Variants in SLCO1A2 observed in about 807,000 individuals in gnomAD.
The protein encoded by SLCO1A2 is solute carrier organic anion transporter family member 1A2.
In SLCO1A2, 67 loss-of-function variants were observed where a neutral mutation model predicts 69.0. The observed-to-expected ratio is 0.97, with a 90% CI of 0.80 to 1.19. SLCO1A2 has a LOEUF of 1.19. SLCO1A2 is among the 50% of genes most tolerant of loss of function. The probability of loss-of-function intolerance (pLI) is 0.00; values close to 1 mark genes in which losing one functional copy is unlikely to be tolerated. For missense variants in SLCO1A2, 787 were observed against 793.7 expected, an observed-to-expected ratio of 0.99 and a Z score of 0.10; for synonymous variants, 260 against 265.9, an observed-to-expected ratio of 0.98 and a Z score of 0.22.
Position 21,347,669 on chromosome 12 carries a change from AAAGGAAGG to A in SLCO1A2, c.-62-12968_-62-12961del, listed in dbSNP as rs147886864. Among the ~76,000 whole-genome samples the A allele has an allele frequency of 1.8e-3, 206 of 113,494 alleles. 1 individual carries two copies. Among genetic ancestry groups the A allele is most frequent in the African/African-American group, 7.8e-3 (197 of 25,134 alleles). 74.5% of individuals were successfully genotyped at this position (113,494 alleles called of 152,430 possible). The stretch of plus-strand genomic sequence containing the variant: ...GGAAAGAAGGAAAGAAGAAAGAAAG[AAAGGAAGG>A]AAGGAAGGAAGGAAGGAAGGAAGAA... On this transcript the variant is annotated intron_variant, in intron 2 of 15. Coordinates refer to the SLCO1A2 transcript ENST00000307378.
At chr12:21,389,423 G>T (rs572994265) in intron 1 of SLCO1A2, among the ~76,000 whole-genome samples, 65 of 151,934 alleles carry the variant, frequency 4.3e-4, no homozygotes, top group Non-Finnish European at 7.4e-4. Flanking sequence ...AACAAGCTAA[G>T]ATCCAGATGC....
intron 8 of SLCO1A2, among the ~76,000 whole-genome samples, chr12:21,299,980 GTA>G (rs1187061244): frequency 2.0e-5 from 3 of 146,618 alleles, no homozygotes; most frequent in African/African-American, 7.8e-5. Flanking sequence ...ATATATATGT[GTA>G]TATATGTGTG....
chr12:21,411,709 G>C (rs545769707), intron 1 of SLCO1A2, among the ~76,000 whole-genome samples: 19 of 151,304 alleles, frequency 1.3e-4, no homozygotes, highest in African/African-American at 4.4e-4. Flanking sequence ...TTGAGACAAG[G>C]TTTCACTCCA....
rs1474650392 is a variant in SLCO1A2 at position 21,266,885 on chromosome 12, ATATAT to A, written c.*2658_*2662del. The A allele has an allele frequency of 3.9e-5, 6 of 152,220 alleles. No homozygotes were observed. The South Asian group carries it at 1.0e-3, about 26-fold the overall frequency. 9.4% of individuals were successfully genotyped at this position (152,220 alleles called of 1,614,324 possible). On this transcript the variant is annotated 3_prime_UTR_variant, in exon 15 of 15. Coordinates refer to ENST00000683939, the MANE Select transcript of SLCO1A2 (RefSeq NM_001386879.1). The stretch of plus-strand genomic sequence containing the variant: ...TAGGTTAATTTTTGAATTATAAGTA[ATATAT>A]TAAACCACTATTTCTAGTTTCATTA...
intron 2 of SLCO1A2, among the ~76,000 whole-genome samples, chr12:21,364,922 T>G (rs1939246202): frequency 6.6e-6 from 1 of 152,094 alleles, no homozygotes; most frequent in African/African-American, 2.4e-5. Context: ...GAAGAACATT[T>G]CATGCTCGTG....
intron 2 of SLCO1A2, among the ~76,000 whole-genome samples, chr12:21,371,289 G>T (rs1212726590): frequency 2.0e-5 from 3 of 152,042 alleles, no homozygotes; most frequent in Non-Finnish European, 2.9e-5. Flanking sequence ...TTCTCAATTT[G>T]GTCTGGTGTT....
chr12:21,396,302 T>C (rs1465365372), upstream of SLCO1A2, among the ~76,000 whole-genome samples: 4 of 149,378 alleles, frequency 2.7e-5, no homozygotes, highest in East Asian at 2.0e-4. Context: ...TGAAATGAAG[T>C]GAGAAGGGAA....
chr12:21,294,875 T>C (rs1947466803), intron 10 of SLCO1A2: 2 of 152,194 alleles, frequency 1.3e-5, no homozygotes, highest in African/African-American at 4.8e-5. Flanking sequence ...AAATAGCATA[T>C]GTAAAATTAT....
At chr12:21,342,282 C>G (rs573344619) in intron 2 of SLCO1A2, among the ~76,000 whole-genome samples, 41 of 152,060 alleles carry the variant, frequency 2.7e-4, no homozygotes, top group Admixed American at 5.9e-4. Flanking sequence ...TCCACTGCTT[C>G]AAGACCTATT....
intron 4 of SLCO1A2, among the ~76,000 whole-genome samples, chr12:21,309,186 A>G (rs548319054): frequency 6.6e-6 from 1 of 152,310 alleles, no homozygotes; most frequent in East Asian, 1.9e-4. Flanking sequence ...AAAAGTAGGG[A>G]TAAAAGATGA....
intron 2 of SLCO1A2, among the ~76,000 whole-genome samples, chr12:21,340,285 TAC>T (rs1379255283): frequency 6.6e-6 from 1 of 151,994 alleles, no homozygotes; most frequent in East Asian, 1.9e-4. Flanking sequence ...GCAAAATATA[TAC>T]AGTTTGCTTA....
In SLCO1A2 at chr12:21,292,207, T is replaced by C; in HGVS notation, c.1567A>G (p.Ile523Val). 1.2e-6 allele frequency: 2 copies of C among 1,609,990 alleles called. No individual in the cohort carries two copies. The highest frequency in any genetic ancestry group is 1.7e-6 in the Non-Finnish European group (2 of 1,177,682). Residue 523 changes from isoleucine to valine, a missense_variant, in exon 12 of 15, where the codon ATT becomes GTT. Coordinates refer to ENST00000683939, the MANE Select transcript of SLCO1A2 (RefSeq NM_001386879.1). ...FLILSAMSSF[I>V]YSLAAIPGYM... ...CCAGGTATGGCAGCCAAAGAATAAATGAAACTGCTCATCGCTGACAAGATT... is the reference window on the plus strand; with the variant it reads ...CCAGGTATGGCAGCCAAAGAATAAACGAAACTGCTCATCGCTGACAAGATT...
intron 2 of SLCO1A2, among the ~76,000 whole-genome samples, chr12:21,371,453 G>C (rs915987094): frequency 2.0e-5 from 3 of 151,760 alleles, no homozygotes; most frequent in Non-Finnish European, 2.9e-5. Context: ...TAAAATTGTA[G>C]AATCATTGAA....
At chr12:21,359,440 A>G (rs1247362471) in intron 2 of SLCO1A2, among the ~76,000 whole-genome samples, 2 of 152,206 alleles carry the variant, frequency 1.3e-5, no homozygotes, top group African/African-American at 4.8e-5. Context: ...TGGCTAAAAG[A>G]ACCACAAATA....
upstream of SLCO1A2, among the ~76,000 whole-genome samples, chr12:21,396,313 G>C (rs1161703203): frequency 3.0e-4 from 45 of 150,838 alleles, no homozygotes; most frequent in African/African-American, 1.0e-3. Context: ...GAGAAGGGAA[G>C]TTTAGAGAAA....
At chr12:21,369,693 AT>A (rs1266406284) in intron 2 of SLCO1A2, among the ~76,000 whole-genome samples, 1 of 152,172 alleles carries the variant, frequency 6.6e-6, no homozygotes, top group African/African-American at 2.4e-5. Flanking sequence ...GCAGATTTTG[AT>A]AGAGTGGATC....
chr12:21,384,281 G>T (rs1262108487), intron 1 of SLCO1A2, among the ~76,000 whole-genome samples: 1 of 152,166 alleles, frequency 6.6e-6, no homozygotes, highest in Non-Finnish European at 1.5e-5. Context: ...GAACAAAAAG[G>T]AAAATAGAAT....
At chr12:21,413,753 A>G (rs1252198590) in intron 1 of SLCO1A2, among the ~76,000 whole-genome samples, 1 of 152,100 alleles carries the variant, frequency 6.6e-6, no homozygotes, top group African/African-American at 2.4e-5. Context: ...ACAGCCTTAC[A>G]TTCCTAGCGC....
chr12:21,318,844 A>G lies in SLCO1A2; in HGVS notation c.140T>C (p.Ile47Thr). ...TGTTGGGATGTTGAATTGTCTCTCT[A>G]TTTGTGTGAGCATGGAATTCATATA... ...GSYMNSMLTQ[I>T]ERQFNIPTSL... Residue 47 changes from isoleucine to threonine, a missense_variant, in exon 3 of 15, where the codon ATA becomes ACA. Transcript: ENST00000683939. The G allele has an allele frequency of 6.2e-7, 1 of 1,611,580 alleles. No individual in the cohort carries two copies. The highest frequency in any genetic ancestry group is 1.7e-5 in the Admixed American group (1 of 59,756).
Sources: gnomAD v4.1 joint callset for allele counts (sites outside exome capture counted in the v4.1 genomes callset) on GRCh38, gnomAD v4.1.1 for gene constraint, MANE v1.5 for transcripts, NCBI Gene and HGNC (gene_info 2026-07-23, HGNC 2026-07-21) for gene names.